PDZRN3: variants seen among roughly 807,000 people sequenced by gnomAD.
PDZRN3 encodes E3 ubiquitin-protein ligase PDZRN3.
In PDZRN3, 38 loss-of-function variants were observed where a neutral mutation model predicts 85.7. That is an observed-to-expected ratio of 0.44 (90% CI 0.34 to 0.58). PDZRN3 has a LOEUF of 0.58. Ranked by LOEUF, PDZRN3 falls within the 20% of genes least tolerant of loss-of-function variation. PDZRN3 has a pLI of 0.01. For synonymous variants in PDZRN3, 759 were observed against 638.0 expected, an observed-to-expected ratio of 1.19 and a Z score of -2.86; for missense variants, 1,629 against 1,506.4, an observed-to-expected ratio of 1.08 and a Z score of -1.35.
Position 73,384,558 on chromosome 3 carries a change from G to A in PDZRN3, c.2008C>T (p.Pro670Ser). ...GGGTCACTCTTGCCGGCGTCCAGGG[G>A]GCCGCTAGGGTAGTACAGGCCGTAA... ...TPYGLYYPSGPLDAGKSDPES... is the reference protein window; with the variant it reads ...TPYGLYYPSGSLDAGKSDPES... Residue 670 changes from proline (P) to serine (S), a missense_variant, in exon 10 of 10, where the codon CCC (proline) becomes TCC (serine). Physicochemically the swap from Pro to Ser is moderately conservative, Grantham distance 74. Coordinates refer to ENST00000263666, the MANE Select transcript of PDZRN3 (RefSeq NM_015009.3). The A allele has an allele frequency of 2.5e-6, 4 of 1,613,714 alleles. No homozygotes were observed. Among genetic ancestry groups the A allele is most frequent in the Non-Finnish European group, 3.4e-6 (4 of 1,180,048 alleles).
chr3:73,476,561 T>G lies in PDZRN3; in HGVS notation c.919-72166A>C, dbSNP rs576584479. ...GTATGTTCCCACACTGTCCCAAGGT[T>G]GTTGTGTGTGACCAACAGAAGATGG... On this transcript the variant is annotated intron_variant, in intron 3 of 9. Coordinates refer to ENST00000263666, the MANE Select transcript of PDZRN3 (RefSeq NM_015009.3). Among the ~76,000 whole-genome samples the G allele has an allele frequency of 2.6e-5, 4 of 152,308 alleles. No individual in the cohort carries two copies. The South Asian group carries it at 6.2e-4, about 24-fold the overall frequency.
At chr3:73,407,212 C>T (rs1035649008) in intron 3 of PDZRN3, among the ~76,000 whole-genome samples, 26 of 152,186 alleles carry the variant, frequency 1.7e-4, no homozygotes, top group African/African-American at 6.0e-4. Context: ...TAAACTAGGA[C>T]ATGAGATAGG....
At chr3:73,620,994 C>T (rs1702850305) in intron 1 of PDZRN3, among the ~76,000 whole-genome samples, 1 of 152,254 alleles carries the variant, frequency 6.6e-6, no homozygotes, top group Non-Finnish European at 1.5e-5. Context: ...CTATATCTAC[C>T]TGAGCGTAAG....
At chr3:73,618,818 T>G (rs1702806614) in intron 1 of PDZRN3, among the ~76,000 whole-genome samples, 1 of 152,228 alleles carries the variant, frequency 6.6e-6, no homozygotes, top group African/African-American at 2.4e-5. Flanking sequence ...CTAATTTTCC[T>G]TATAAATCAC....
intron 3 of PDZRN3, among the ~76,000 whole-genome samples, chr3:73,516,183 G>GT (rs1209971267): frequency 6.6e-6 from 1 of 151,944 alleles, no homozygotes. Context: ...TAGCATTCTT[G>GT]TGTGCATGTA....
intron 3 of PDZRN3, among the ~76,000 whole-genome samples, chr3:73,547,437 T>C (rs1290645395): frequency 2.0e-5 from 3 of 152,218 alleles, no homozygotes; most frequent in Non-Finnish European, 4.4e-5. Flanking sequence ...CCCTGATGCA[T>C]AGGCAGTCCC....
At chr3:73,406,614 G>A (rs1029045866) in intron 3 of PDZRN3, among the ~76,000 whole-genome samples, 11 of 152,280 alleles carry the variant, frequency 7.2e-5, no homozygotes, top group South Asian at 2.1e-4. Context: ...TTGCACCAAC[G>A]TTAGTTATAC....
At chr3:73,449,117 G>A (rs1444131089) in intron 3 of PDZRN3, among the ~76,000 whole-genome samples, 1 of 152,124 alleles carries the variant, frequency 6.6e-6, no homozygotes, top group Non-Finnish European at 1.5e-5. Flanking sequence ...TTTCATGGTG[G>A]GGCTAACAAG....
At chr3:73,485,953 G>A (rs1365097795) in intron 3 of PDZRN3, among the ~76,000 whole-genome samples, 1 of 152,200 alleles carries the variant, frequency 6.6e-6, no homozygotes. Context: ...ATGATTGCAC[G>A]TGACTTGCTG....
chr3:73,476,172 A>C (rs533249552), intron 3 of PDZRN3, among the ~76,000 whole-genome samples: 4 of 152,270 alleles, frequency 2.6e-5, no homozygotes, highest in African/African-American at 9.6e-5. Context: ...ACTACCTGAG[A>C]CCAGATAATT....
At chr3:73,404,482 A>C in intron 3 of PDZRN3, 87 bp from the exon 4 acceptor site, 1 of 1,381,290 alleles carries the variant, frequency 7.2e-7, no homozygotes, top group South Asian at 1.4e-5. Flanking sequence ...TTTCATGTGT[A>C]AGCAGCTAAA....
Position 73,384,796 on chromosome 3 carries a change from G to C in PDZRN3, c.1770C>G (p.Gly590=), listed in dbSNP as rs146622509. ...GGTTGGAGGATGCGGTGGCGTCGTC[G>C]CCATTGTTCTCTTGCTCCGAGCTCT... The part of the protein sequence containing the change: ...NDESSEQENN[G]DDATASSNPL... The change falls in exon 10 of 10, where the codon GGC becomes GGG. Residue 590 remains glycine (G), a synonymous_variant. Transcript: ENST00000263666. The C allele has an allele frequency of 6.2e-7, 1 of 1,613,884 alleles. No homozygotes were observed. The highest frequency in any genetic ancestry group is 2.2e-5 in the East Asian group (1 of 44,886).
chr3:73,596,216 G>A (rs1702428326), intron 3 of PDZRN3, among the ~76,000 whole-genome samples: 1 of 152,152 alleles, frequency 6.6e-6, no homozygotes, highest in South Asian at 2.1e-4. Flanking sequence ...AGTCCATATT[G>A]ACAGAGGAAG....
chr3:73,606,019 G>T (rs992541923), intron 2 of PDZRN3, among the ~76,000 whole-genome samples: 2 of 152,204 alleles, frequency 1.3e-5, no homozygotes, highest in Non-Finnish European at 1.5e-5. Context: ...TTTGCACCTG[G>T]TGAGTGTGGA....
At chr3:73,600,603 T>G (rs1404975275) in intron 3 of PDZRN3, among the ~76,000 whole-genome samples, 2 of 152,174 alleles carry the variant, frequency 1.3e-5, no homozygotes, top group African/African-American at 4.8e-5. Flanking sequence ...AAAATAGGAA[T>G]GTGACTTACC....
chr3:73,458,833 T>C (rs13082922), intron 3 of PDZRN3, among the ~76,000 whole-genome samples: 9,260 of 150,836 alleles, frequency 0.061, 359 homozygotes, highest in East Asian at 0.14. Context: ...CTACTAAAAA[T>C]ATAACAAAAT....
intron 3 of PDZRN3, among the ~76,000 whole-genome samples, chr3:73,553,979 G>A (rs1701628137): frequency 6.6e-6 from 1 of 152,338 alleles, no homozygotes; most frequent in South Asian, 2.1e-4. Flanking sequence ...GGAAGAAACT[G>A]ACAACTGTAT....
intron 3 of PDZRN3, among the ~76,000 whole-genome samples, chr3:73,427,440 C>G (rs994627906): frequency 1.3e-5 from 2 of 152,102 alleles, no homozygotes; most frequent in Non-Finnish European, 1.5e-5. Flanking sequence ...ACCCACCCCC[C>G]CACCACCGCC....
intron 3 of PDZRN3, among the ~76,000 whole-genome samples, chr3:73,442,465 G>A (rs1420175540): frequency 2.6e-5 from 4 of 152,170 alleles, no homozygotes; most frequent in Admixed American, 1.3e-4. Context: ...GCACGTGAAC[G>A]TGACACCAAT....
Sources: allele counts gnomAD v4.1 joint callset (sites outside exome capture counted in the v4.1 genomes callset), GRCh38; gene constraint gnomAD v4.1.1; transcripts MANE v1.5; gene names NCBI Gene and HGNC (gene_info 2026-07-23, HGNC 2026-07-21).